The following RBFOX1 variants were observed in gnomAD, a reference collection of about 807,000 sequenced individuals.
The protein encoded by RBFOX1 is RNA binding fox-1 homolog 1, also known as RNA binding protein fox-1 homolog 1.
A neutral mutation model predicts 57.7 loss-of-function variants in RBFOX1; 8 were observed. The ratio of observed to expected loss-of-function variants is 0.14; its 90% CI spans 0.08 to 0.25. RBFOX1 has a LOEUF of 0.25. Ranked by LOEUF, RBFOX1 falls within the 10% of genes least tolerant of loss-of-function variation. RBFOX1 has a pLI of 1.00. For missense variants in RBFOX1, 611 were observed against 548.5 expected (o/e 1.11, Z -1.14); for synonymous variants, 326 against 222.4 (o/e 1.47, Z -4.15).
At chr16:6,486,619 A>T (rs1204633314) in intron 2 of RBFOX1, among the ~76,000 whole-genome samples, 3 of 144,608 alleles carry the variant, frequency 2.1e-5, no homozygotes, top group Non-Finnish European at 4.6e-5. Context: ...TGACGAACAT[A>T]AAAAGAAATG....
At chr16:5,641,720 G>T (rs925499127) in intron 3 of RBFOX1, among the ~76,000 whole-genome samples, 4 of 152,172 alleles carry the variant, frequency 2.6e-5, no homozygotes, top group African/African-American at 9.7e-5. Context: ...TTTGTCTTAG[G>T]AATAGCAAGG....
At chr16:5,403,004 A>T (rs887642455) in intron 1 of RBFOX1, among the ~76,000 whole-genome samples, 1 of 152,132 alleles carries the variant, frequency 6.6e-6, no homozygotes, top group African/African-American at 2.4e-5. Context: ...CAACATGTGC[A>T]TGCATGCATG....
At chr16:6,766,147 AAAAAG>A (rs1353460444) in intron 3 of RBFOX1, among the ~76,000 whole-genome samples, 2 of 152,162 alleles carry the variant, frequency 1.3e-5, no homozygotes, top group Non-Finnish European at 1.5e-5. Context: ...AAAAATATTT[AAAAAG>A]AAAAAAAAGC....
At chr16:6,953,118 A>T (rs945557924) in intron 3 of RBFOX1, among the ~76,000 whole-genome samples, 1 of 152,166 alleles carries the variant, frequency 6.6e-6, no homozygotes, top group African/African-American at 2.4e-5. Flanking sequence ...TCTGCGACTG[A>T]GTAGAACTTA....
chr16:5,704,037 G>A (rs1028218894), intron 3 of RBFOX1, among the ~76,000 whole-genome samples: 2 of 152,076 alleles, frequency 1.3e-5, no homozygotes, highest in African/African-American at 4.8e-5. Flanking sequence ...AAGCTGAATG[G>A]TGCTCTTGGG....
intron 1 of RBFOX1, among the ~76,000 whole-genome samples, chr16:6,131,182 C>A (rs548195753): frequency 3.3e-5 from 5 of 152,302 alleles, no homozygotes; most frequent in African/African-American, 9.6e-5. Flanking sequence ...AGAGGACTAC[C>A]TAGTGTGATG....
intron 1 of RBFOX1, among the ~76,000 whole-genome samples, chr16:6,192,622 TG>T (rs2097149307): frequency 6.6e-6 from 1 of 152,172 alleles, no homozygotes; most frequent in African/African-American, 2.4e-5. Context: ...AGAGATACGG[TG>T]GTGGAGATCC....
intron 4 of RBFOX1, among the ~76,000 whole-genome samples, chr16:7,195,169 C>A (rs2086392154): frequency 6.6e-6 from 1 of 152,152 alleles, no homozygotes; most frequent in African/African-American, 2.4e-5. Flanking sequence ...CTTGTTGGAC[C>A]AGCCATATTA....
At chr16:7,646,472 A>C (rs1360252500) in intron 11 of RBFOX1, among the ~76,000 whole-genome samples, 1 of 152,208 alleles carries the variant, frequency 6.6e-6, no homozygotes, top group Non-Finnish European at 1.5e-5. Flanking sequence ...AATTTGCATG[A>C]ATCTCTCTCC....
chr16:5,528,833 A>C (rs1046573106), intron 2 of RBFOX1, among the ~76,000 whole-genome samples: 1 of 151,924 alleles, frequency 6.6e-6, no homozygotes, highest in African/African-American at 2.4e-5. Context: ...TATTTTTAGT[A>C]AAGGTGAGGT....
At position 5,640,507 on chromosome 16, in the gene RBFOX1, T is replaced by TACATGCACATACAC. The variant is rs548698443; in HGVS notation, c.318+41574_318+41587dup. On this transcript the variant is annotated intron_variant, in intron 3 of 19. Coordinates refer to the RBFOX1 transcript ENST00000641259. Reference sequence around the variant, plus strand: ...CACACATATATGCACACCATGCATATACATGCACATACACACATGCACATA... The same window carrying TACATGCACATACAC: ...CACACATATATGCACACCATGCATATACATGCACATACACACATGCACATACACACATGCACATA... 1.7e-4 allele frequency among the ~76,000 whole-genome samples: 26 copies of TACATGCACATACAC among 149,176 alleles called. No homozygotes were observed. The East Asian group carries it at 3.5e-3, about 20-fold the overall frequency.
chr16:5,462,741 A>G (rs1465635553), intron 1 of RBFOX1, among the ~76,000 whole-genome samples: 2 of 152,138 alleles, frequency 1.3e-5, no homozygotes, highest in African/African-American at 4.8e-5. Context: ...AGGGCTCTGG[A>G]CTGTGGTCCC....
chr16:7,691,186 A>G (rs550032341), intron 14 of RBFOX1, among the ~76,000 whole-genome samples: 1 of 148,978 alleles, frequency 6.7e-6, no homozygotes, highest in Non-Finnish European at 1.5e-5. Context: ...CTCCTTTTAA[A>G]TGTCACTATT....
At chr16:7,101,927 A>G (rs1294718184) in intron 4 of RBFOX1, among the ~76,000 whole-genome samples, 1 of 152,150 alleles carries the variant, frequency 6.6e-6, no homozygotes, top group Non-Finnish European at 1.5e-5. Flanking sequence ...GGATTGAAGC[A>G]TAGTTGGTGC....
intron 3 of RBFOX1, among the ~76,000 whole-genome samples, chr16:6,703,357 T>G (rs2062156696): frequency 6.6e-6 from 1 of 152,090 alleles, no homozygotes; most frequent in Non-Finnish European, 1.5e-5. Context: ...GAGGTTTGCT[T>G]GAGCCCAGGG....
intron 2 of RBFOX1, among the ~76,000 whole-genome samples, chr16:6,333,609 A>C (rs1476803123): frequency 6.6e-6 from 1 of 152,172 alleles, no homozygotes; most frequent in African/African-American, 2.4e-5. Context: ...TACACCTCTG[A>C]AAAACTCTTA....
chr16:7,193,367 C>T (rs1021119956), intron 4 of RBFOX1, among the ~76,000 whole-genome samples: 5 of 152,100 alleles, frequency 3.3e-5, no homozygotes, highest in African/African-American at 1.2e-4. Flanking sequence ...AAGAACATGC[C>T]CCACAAACTC....
chr16:6,777,360 A>G (rs944306678), intron 3 of RBFOX1, among the ~76,000 whole-genome samples: 1 of 152,150 alleles, frequency 6.6e-6, no homozygotes, highest in Non-Finnish European at 1.5e-5. Flanking sequence ...AGTTAACTCT[A>G]TTTGTGTGTC....
At chr16:5,316,024 C>T (rs2064228246) in intron 1 of RBFOX1, among the ~76,000 whole-genome samples, 1 of 152,174 alleles carries the variant, frequency 6.6e-6, no homozygotes, top group Admixed American at 6.5e-5. Flanking sequence ...CAGAGACCTC[C>T]CCCGCCCTAC....
Sources: allele counts gnomAD v4.1 joint callset (sites outside exome capture counted in the v4.1 genomes callset), GRCh38; gene constraint gnomAD v4.1.1; transcripts MANE v1.5; gene names NCBI Gene and HGNC (gene_info 2026-07-23, HGNC 2026-07-21).